NCOA2: variants seen among roughly 807,000 people sequenced by gnomAD.
The protein encoded by NCOA2 is class E basic helix-loop-helix protein 75.
In NCOA2, 21 loss-of-function variants were observed where a neutral mutation model predicts 145.1. That is an observed-to-expected ratio of 0.14 (90% CI 0.10 to 0.21). NCOA2 has a LOEUF of 0.21. Among genes scored for constraint, NCOA2 ranks in the 10% least tolerant of loss-of-function variants. The probability of loss-of-function intolerance (pLI) is 1.00; values close to 1 mark genes in which losing one functional copy is unlikely to be tolerated. For missense variants in NCOA2, 1,472 were observed against 1,837.6 expected (o/e 0.80, Z 3.64); for synonymous variants, 619 against 637.5 (o/e 0.97, Z 0.44).
At chr8:70,243,515 G>T (rs1327251119) in intron 2 of NCOA2, among the ~76,000 whole-genome samples, 2 of 151,882 alleles carry the variant, frequency 1.3e-5, no homozygotes, top group Admixed American at 1.3e-4. Flanking sequence ...AATAATAATA[G>T]GTGCTCAATA....
intron 19 of NCOA2, among the ~76,000 whole-genome samples, chr8:70,126,327 T>G (rs978897454): frequency 1.3e-5 from 2 of 152,346 alleles, no homozygotes; most frequent in African/African-American, 2.4e-5. Context: ...TCTCAAGAAT[T>G]ACCTATTCAT....
chr8:70,420,327 C>T, the NCOA2 span, among the ~76,000 whole-genome samples: 42,577 of 151,998 alleles, frequency 0.28, 6,838 homozygotes, highest in East Asian at 0.53. Flanking sequence ...CCTATTTATC[C>T]AAGGCAGAAG....
intron 1 of NCOA2, among the ~76,000 whole-genome samples, chr8:70,395,556 G>A (rs957559970): frequency 2.6e-5 from 4 of 152,078 alleles, no homozygotes; most frequent in African/African-American, 9.7e-5. Context: ...AAAACATTTC[G>A]ACAATAACTG....
chr8:70,119,756 ATC>A (rs1807577859), intron 22 of NCOA2, among the ~76,000 whole-genome samples: 1 of 152,092 alleles, frequency 6.6e-6, no homozygotes, highest in African/African-American at 2.4e-5. Flanking sequence ...GTAAGATGGT[ATC>A]TCCTTATGGT....
chr8:70,321,038 A>G (rs34017261), intron 1 of NCOA2, among the ~76,000 whole-genome samples: 37,053 of 152,052 alleles, frequency 0.24, 5,664 homozygotes, highest in East Asian at 0.57. Flanking sequence ...TTAAACCTTC[A>G]ATAATTTTGA....
the NCOA2 span, among the ~76,000 whole-genome samples, chr8:70,433,344 A>G: frequency 3.0e-4 from 32 of 108,314 alleles, no homozygotes; most frequent in Admixed American, 1.9e-3. Flanking sequence ...GAAGTACACT[A>G]AAAAAAAAAA....
At chr8:70,141,077 G>A (rs1810352623) in intron 14 of NCOA2, 107 bp downstream of exon 14, 3 of 1,088,904 alleles carry the variant, frequency 2.8e-6, no homozygotes, top group East Asian at 2.6e-5. Flanking sequence ...CTTCATGGGA[G>A]GATTATCTAA....
upstream of NCOA2, among the ~76,000 whole-genome samples, chr8:70,408,162 T>G (rs1814811166): frequency 6.6e-6 from 1 of 152,222 alleles, no homozygotes; most frequent in Non-Finnish European, 1.5e-5. Flanking sequence ...CTGGGTGAAC[T>G]TGGGCAAGTT....
the NCOA2 span, among the ~76,000 whole-genome samples, chr8:70,431,877 A>G: frequency 6.6e-5 from 10 of 152,262 alleles, no homozygotes; most frequent in Non-Finnish European, 1.0e-4. Flanking sequence ...TTTTATTCAT[A>G]TAGTTCTGAT....
chr8:70,442,124 A>AAAGAAAGAAAG, the NCOA2 span, among the ~76,000 whole-genome samples: 1 of 112,538 alleles, frequency 8.9e-6, no homozygotes. Context: ...AAGAAGAAAG[A>AAAGAAAGAAAG]AAGAAAGAAA....
chr8:70,152,632 T>A (rs1330461351), intron 11 of NCOA2, among the ~76,000 whole-genome samples: 2 of 152,218 alleles, frequency 1.3e-5, no homozygotes, highest in Non-Finnish European at 1.5e-5. Flanking sequence ...ACTGTGTAAA[T>A]AAGCATGTAA....
chr8:70,282,439 A>G (rs1445616468), intron 2 of NCOA2, among the ~76,000 whole-genome samples: 1 of 152,084 alleles, frequency 6.6e-6, no homozygotes, highest in Non-Finnish European at 1.5e-5. Context: ...TAATCCCAAC[A>G]CTTTGGGAGG....
At chr8:70,309,360 T>C (rs1456487477) in intron 1 of NCOA2, among the ~76,000 whole-genome samples, 2 of 139,072 alleles carry the variant, frequency 1.4e-5, no homozygotes, top group Admixed American at 1.4e-4. Flanking sequence ...TAAATAGTAA[T>C]AAGGACTTAA....
chr8:70,385,287 T>A (rs1400651893), intron 1 of NCOA2, among the ~76,000 whole-genome samples: 1 of 152,148 alleles, frequency 6.6e-6, no homozygotes, highest in Non-Finnish European at 1.5e-5. Flanking sequence ...AAAGTGACAA[T>A]AACAACAGCG....
intron 8 of NCOA2, among the ~76,000 whole-genome samples, 173 bp downstream of exon 8, chr8:70,163,292 T>C (rs190398767): frequency 2.6e-4 from 40 of 152,330 alleles, no homozygotes; most frequent in African/African-American, 9.1e-4. Flanking sequence ...CAAAAGGGTA[T>C]ACAGTGAGAG....
intron 1 of NCOA2, among the ~76,000 whole-genome samples, chr8:70,323,461 G>A (rs1366921807): frequency 1.3e-5 from 2 of 152,172 alleles, no homozygotes. Context: ...AATGCTGACA[G>A]TGAAAAGCAG....
intron 1 of NCOA2, among the ~76,000 whole-genome samples, chr8:70,388,528 A>C (rs1812877148): frequency 6.6e-6 from 1 of 152,198 alleles, no homozygotes; most frequent in African/African-American, 2.4e-5. Flanking sequence ...ATTCTAATGT[A>C]TATATTATAC....
At chr8:70,203,515 TG>T (rs1818137256) in intron 4 of NCOA2, among the ~76,000 whole-genome samples, 2 of 151,456 alleles carry the variant, frequency 1.3e-5, no homozygotes, top group Admixed American at 1.3e-4. Flanking sequence ...GAGGCTGAGG[TG>T]GGAGGATCAC....
At chr8:70,363,715 T>C (rs187357140) in intron 1 of NCOA2, among the ~76,000 whole-genome samples, 2 of 152,118 alleles carry the variant, frequency 1.3e-5, no homozygotes, top group African/African-American at 4.8e-5. Context: ...GAAAAACAGA[T>C]CAGTGGTTGC....
Sources: allele counts gnomAD v4.1 joint callset (sites outside exome capture counted in the v4.1 genomes callset), GRCh38; gene constraint gnomAD v4.1.1; transcripts MANE v1.5; gene names NCBI Gene and HGNC (gene_info 2026-07-23, HGNC 2026-07-21).